The following CATSPERB variants were observed in gnomAD, a reference collection of about 807,000 sequenced individuals.
The protein encoded by CATSPERB is cation channel sperm-associated auxiliary subunit beta.
A neutral mutation model predicts 128.3 loss-of-function variants in CATSPERB; 93 were observed. The ratio of observed to expected loss-of-function variants is 0.72; its 90% CI spans 0.61 to 0.86. The LOEUF is 0.86. CATSPERB is among the 40% of genes least tolerant of loss of function. The probability of loss-of-function intolerance (pLI) is 0.00; values close to 1 mark genes in which losing one functional copy is unlikely to be tolerated. For synonymous variants in CATSPERB, 381 were observed against 448.8 expected, an observed-to-expected ratio of 0.85 and a Z score of 1.91; for missense variants, 1,153 against 1,329.5, an observed-to-expected ratio of 0.87 and a Z score of 2.06.
intron 7 of CATSPERB, 132 bp from the exon 8 acceptor site, chr14:91,693,611 A>G: frequency 1.6e-6 from 1 of 641,990 alleles, no homozygotes. Context: ...CATTGGAAAG[A>G]TGAAGTAACT....
rs769520710 is a variant in CATSPERB at position 91,636,446 on chromosome 14, T to C, written c.1721A>G (p.Tyr574Cys). Reference protein sequence around the residue: ...IYSKKFGNIHYGKVIHSGKTG... With the variant: ...IYSKKFGNIHCGKVIHSGKTG... Reference sequence around the variant, plus strand: ...CTACCCAGAGTGTATCACTTTTCCATAGTGTATATTGCCGAACTTCTTGCT... The same window carrying C: ...CTACCCAGAGTGTATCACTTTTCCACAGTGTATATTGCCGAACTTCTTGCT... Residue 574 changes from tyrosine (Y) to cysteine (C), a missense_variant, in exon 17 of 27, where the codon TAT (tyrosine) becomes TGT (cysteine). Coordinates refer to ENST00000256343, the MANE Select transcript of CATSPERB (RefSeq NM_024764.4). 22 of 1,613,972 alleles carry C rather than the reference T, an allele frequency of 1.4e-5. No individual in the cohort carries two copies. Among genetic ancestry groups the C allele is most frequent in the Non-Finnish European group, 1.9e-5 (22 of 1,179,984 alleles).
At chr14:91,723,298 T>A (rs1896065341) in intron 3 of CATSPERB, 109 bp from the exon 4 acceptor site, 7 of 680,582 alleles carry the variant, frequency 1.0e-5, no homozygotes, top group Middle Eastern at 4.4e-4. Context: ...TAGGAAAAAA[T>A]ATATATATTT....
At chr14:91,587,315 C>A in intron 25 of CATSPERB, 39 bp from the exon 26 acceptor site, 2 of 1,462,446 alleles carry the variant, frequency 1.4e-6, no homozygotes, top group Non-Finnish European at 1.9e-6. Context: ...GCAGCATCAA[C>A]ATGTACATTC....
chr14:91,609,218 T>C (rs1893773572), intron 21 of CATSPERB, among the ~76,000 whole-genome samples: 1 of 152,098 alleles, frequency 6.6e-6, no homozygotes, highest in Admixed American at 6.6e-5. Context: ...TTTTGTAATG[T>C]CATGACTTTT....
At chr14:91,693,559 G>A (rs146390971) in intron 7 of CATSPERB, 80 bp from the exon 8 acceptor site, 43 of 927,796 alleles carry the variant, frequency 4.6e-5, no homozygotes, top group Middle Eastern at 4.4e-4. Context: ...CCCAGAGTCC[G>A]TTCCAACTCC....
intron 2 of CATSPERB, among the ~76,000 whole-genome samples, chr14:91,725,736 G>A (rs1158607757): frequency 6.6e-6 from 1 of 152,138 alleles, no homozygotes; most frequent in South Asian, 2.1e-4. Context: ...AGATGGGTAC[G>A]TTAATGACAC....
intron 3 of CATSPERB, 108 bp from the exon 4 acceptor site, chr14:91,723,297 A>G (rs1896065310): frequency 1.4e-6 from 1 of 722,286 alleles, no homozygotes; most frequent in Admixed American, 3.9e-5. Flanking sequence ...TTAGGAAAAA[A>G]TATATATATT....
intron 15 of CATSPERB, among the ~76,000 whole-genome samples, chr14:91,646,462 T>C (rs765355995): frequency 6.6e-6 from 1 of 152,174 alleles, no homozygotes; most frequent in Non-Finnish European, 1.5e-5. Context: ...AGTAACACTT[T>C]CAAAATGTTA....
At chr14:91,610,964 A>G (rs1893814387) in intron 20 of CATSPERB, among the ~76,000 whole-genome samples, 1 of 152,078 alleles carries the variant, frequency 6.6e-6, no homozygotes, top group South Asian at 2.1e-4. Flanking sequence ...GCCATACACA[A>G]GCCAAGTAGG....
intron 9 of CATSPERB, among the ~76,000 whole-genome samples, chr14:91,691,933 CTT>C (rs1232588900): frequency 3.3e-5 from 5 of 152,116 alleles, no homozygotes; most frequent in Admixed American, 6.5e-5. Context: ...AATCCTAGCA[CTT>C]TGGGAGGCCG....
In CATSPERB at chr14:91,609,532, C is replaced by T. The variant is rs192106050; in HGVS notation, c.2598+948G>A. Among the ~76,000 whole-genome samples, 618 of 152,234 alleles carry T rather than the reference C, an allele frequency of 4.1e-3. 3 individuals are homozygous for T. The highest frequency in any genetic ancestry group is 6.8e-3 in the Middle Eastern group (2 of 294). On this transcript the variant is annotated intron_variant, in intron 21 of 26. Coordinates refer to ENST00000256343, the MANE Select transcript of CATSPERB (RefSeq NM_024764.4). ...ATGCAGTTATGATTTAATACTGTAT[C>T]TTTACATTTGCTTACATTTCTCTGG...
chr14:91,692,839 T>A (rs1895494515), intron 9 of CATSPERB, among the ~76,000 whole-genome samples: 1 of 152,218 alleles, frequency 6.6e-6, no homozygotes, highest in South Asian at 2.1e-4. Flanking sequence ...TATATAGCTA[T>A]AAATAAATGG....
chr14:91,602,840 C>G (rs570467749), intron 22 of CATSPERB, among the ~76,000 whole-genome samples: 1 of 152,284 alleles, frequency 6.6e-6, no homozygotes, highest in East Asian at 1.9e-4. Flanking sequence ...TTAATGTAGT[C>G]ATTTCCCTCT....
At chr14:91,703,435 G>T (rs560256379) in intron 7 of CATSPERB, among the ~76,000 whole-genome samples, 29 of 152,120 alleles carry the variant, frequency 1.9e-4, no homozygotes, top group Middle Eastern at 6.8e-3. Context: ...GAATTTCCTG[G>T]GTGATGGGAT....
Position 91,639,102 on chromosome 14 carries a change from A to T in CATSPERB, c.1581T>A (p.Phe527Leu), listed in dbSNP as rs1257230735. 1.2e-6 allele frequency: 2 copies of T among 1,613,706 alleles called. No homozygotes were observed. Among genetic ancestry groups the T allele is most frequent in the Non-Finnish European group, 1.7e-6 (2 of 1,179,888 alleles). The change falls in exon 16 of 27, where the codon TTT (phenylalanine) becomes TTA (leucine). Residue 527 changes from phenylalanine to leucine, a missense_variant. Coordinates refer to ENST00000256343, the MANE Select transcript of CATSPERB (RefSeq NM_024764.4). ...CAATGCATTATATACTGACCTGTCC[A>T]AAAAGATTTCTAGAATTTCCAAAGG... ...PTAFGNSRNL[F>L]GQPPDMGFET... is the part of the protein sequence containing the mutation.
chr14:91,639,438 C>T (rs1894448649), intron 15 of CATSPERB, among the ~76,000 whole-genome samples, 188 bp from the exon 16 acceptor site: 1 of 152,126 alleles, frequency 6.6e-6, no homozygotes, highest in Admixed American at 6.6e-5. Flanking sequence ...GACTCCATGT[C>T]ACTACAGAAT....
At chr14:91,708,965 G>A (rs1369181792) in intron 5 of CATSPERB, 2 of 152,312 alleles carry the variant, frequency 1.3e-5, no homozygotes, top group Admixed American at 1.3e-4. Context: ...CTGCTGAAGT[G>A]GCTGTAAGCA....
intron 26 of CATSPERB, 37 bp from the exon 27 acceptor site, chr14:91,581,144 A>C (rs1369161782): frequency 6.5e-7 from 1 of 1,537,006 alleles, no homozygotes; most frequent in Non-Finnish European, 8.9e-7. Context: ...AGCTTTCTGA[A>C]TTTAGCAATG....
At chr14:91,605,277 T>C (rs550453487) in intron 22 of CATSPERB, 14 of 1,105,018 alleles carry the variant, frequency 1.3e-5, no homozygotes, top group Non-Finnish European at 1.8e-5. Context: ...ACGGATGCGT[T>C]GGAGCAAGGC....
Sources: gnomAD v4.1 joint callset for allele counts (sites outside exome capture counted in the v4.1 genomes callset) on GRCh38, gnomAD v4.1.1 for gene constraint, MANE v1.5 for transcripts, NCBI Gene and HGNC (gene_info 2026-07-23, HGNC 2026-07-21) for gene names.